The following UBL3 variants were observed in gnomAD, a reference collection of about 807,000 sequenced individuals.
UBL3 encodes the protein ubiquitin like 3.
Under a neutral mutation model 18.4 loss-of-function variants are expected in UBL3, and 6 were observed. The observed-to-expected ratio is 0.33, with a 90% CI of 0.18 to 0.64. The LOEUF is 0.64. UBL3 is among the 30% of genes least tolerant of loss of function. UBL3 has a pLI of 0.76. For missense variants in UBL3, 109 were observed against 142.9 expected, an observed-to-expected ratio of 0.76 and a Z score of 1.21; for synonymous variants, 49 against 46.6, an observed-to-expected ratio of 1.05 and a Z score of -0.21.
rs574777256 is a variant in UBL3, at chr13:29,765,228, T to C, written c.*2027A>G. The C allele has an allele frequency of 2.6e-5, 4 of 152,140 alleles. No individual in the cohort carries two copies. Among genetic ancestry groups the C allele is most frequent in the Non-Finnish European group, 5.9e-5 (4 of 68,006 alleles). 9.4% of individuals were successfully genotyped at this position (152,140 alleles called of 1,614,324 possible). On this transcript the variant is annotated 3_prime_UTR_variant, in exon 5 of 5. Coordinates refer to ENST00000380680, the MANE Select transcript of UBL3 (RefSeq NM_007106.4). ...AAAGAGTAATCAGAATGAAAATAGG[T>C]ATTAAAAATAATTACCAGTAGTTTG...
chr13:29,768,510 TA>T (rs1034698804), intron 3 of UBL3, among the ~76,000 whole-genome samples: 6 of 152,074 alleles, frequency 3.9e-5, no homozygotes, highest in African/African-American at 1.4e-4. Flanking sequence ...CAAACTGAAG[TA>T]AGGCCTAAGA....
chr13:29,791,829 T>C (rs368091325), intron 1 of UBL3, among the ~76,000 whole-genome samples: 28 of 152,196 alleles, frequency 1.8e-4, no homozygotes, highest in African/African-American at 5.8e-4. Flanking sequence ...ATCCTACATA[T>C]ATCACATCTG....
At chr13:29,813,904 G>C (rs1237055033) in intron 1 of UBL3, among the ~76,000 whole-genome samples, 2 of 152,056 alleles carry the variant, frequency 1.3e-5, no homozygotes, top group African/African-American at 4.8e-5. Flanking sequence ...AAGACTCAGA[G>C]CCACTTTTGA....
At chr13:29,837,926 A>G (rs1363960840) in intron 1 of UBL3, among the ~76,000 whole-genome samples, 1 of 149,394 alleles carries the variant, frequency 6.7e-6, no homozygotes, top group African/African-American at 2.5e-5. Context: ...AATAATAATA[A>G]TAATAATAAT....
chr13:29,814,048 C>G (rs1878190935), intron 1 of UBL3, among the ~76,000 whole-genome samples: 1 of 152,080 alleles, frequency 6.6e-6, no homozygotes, highest in African/African-American at 2.4e-5. Context: ...TCAGCTTATT[C>G]AAGAGGGTTA....
intron 1 of UBL3, among the ~76,000 whole-genome samples, chr13:29,832,498 A>G (rs534815336): frequency 6.6e-6 from 1 of 152,126 alleles, no homozygotes; most frequent in Admixed American, 6.5e-5. Flanking sequence ...GCGCCCGGCT[A>G]ATTTTTTGTA....
At chr13:29,788,786 A>C (rs1472919864) in intron 1 of UBL3, among the ~76,000 whole-genome samples, 2 of 151,418 alleles carry the variant, frequency 1.3e-5, no homozygotes, top group African/African-American at 2.4e-5. Flanking sequence ...AAATGGGTTA[A>C]AAAATTCAAA....
intron 1 of UBL3, among the ~76,000 whole-genome samples, chr13:29,782,330 C>A (rs1463555898): frequency 6.6e-6 from 1 of 152,094 alleles, no homozygotes; most frequent in African/African-American, 2.4e-5. Context: ...TGGGTTCCTG[C>A]CACAAAATTC....
At position 29,848,458 on chromosome 13, in the gene UBL3, A is replaced by C. The variant is rs190739668; in HGVS notation, c.27+1054T>G. 3.0e-4 allele frequency among the ~76,000 whole-genome samples: 45 copies of C among 152,084 alleles called. 1 individual carries two copies. In the East Asian group the frequency reaches 7.5e-3, roughly 25 times the overall value. On this transcript the variant is annotated intron_variant, in intron 1 of 4. Transcript: ENST00000380680. ...GGCAACAAGAGCAAAACTCCGTCTCAAAAAATAAAAATTAAATTAAAATTA... is the reference window on the plus strand; with the variant it reads ...GGCAACAAGAGCAAAACTCCGTCTCCAAAAATAAAAATTAAATTAAAATTA...
chr13:29,791,954 A>G (rs569394607), intron 1 of UBL3, among the ~76,000 whole-genome samples: 1 of 152,260 alleles, frequency 6.6e-6, no homozygotes, highest in African/African-American at 2.4e-5. Flanking sequence ...TTTCTCTTAC[A>G]CCAGGCACAT....
In UBL3 at chr13:29,849,680, A is replaced by G; in HGVS notation, c.-142T>C. On this transcript the variant is annotated 5_prime_UTR_variant, in exon 1 of 5. Coordinates refer to ENST00000380680, the MANE Select transcript of UBL3 (RefSeq NM_007106.4). ...TCCCCCAAAAATAAAGTTATTTTGG[A>G]GCCAAAGTGCCGGTCAGGCCGAGGT... The G allele has an allele frequency of 1.8e-6, 2 of 1,117,114 alleles. No homozygotes were observed. The highest frequency in any genetic ancestry group is 1.3e-6 in the Non-Finnish European group (1 of 770,010). 69.2% of individuals were successfully genotyped at this position (1,117,114 alleles called of 1,614,324 possible).
chr13:29,782,211 C>T (rs1165682088), intron 1 of UBL3, among the ~76,000 whole-genome samples: 1 of 151,914 alleles, frequency 6.6e-6, no homozygotes, highest in African/African-American at 2.4e-5. Flanking sequence ...TTTGAACATT[C>T]CCAATCTCTT....
intron 2 of UBL3, among the ~76,000 whole-genome samples, chr13:29,774,066 G>A (rs1352374729): frequency 1.3e-5 from 2 of 151,778 alleles, no homozygotes; most frequent in Non-Finnish European, 2.9e-5. Flanking sequence ...TTTATTCCTT[G>A]CAGTGTCTAA....
chr13:29,787,689 A>G (rs1593655652), intron 1 of UBL3, among the ~76,000 whole-genome samples: 1 of 152,190 alleles, frequency 6.6e-6, no homozygotes, highest in Non-Finnish European at 1.5e-5. Context: ...CTTAAATAAC[A>G]AATTTGAATG....
intron 1 of UBL3, among the ~76,000 whole-genome samples, chr13:29,809,402 T>G (rs1877980822): frequency 6.6e-6 from 1 of 151,808 alleles, no homozygotes; most frequent in South Asian, 2.1e-4. Flanking sequence ...AATAAATAAA[T>G]CAGCACAGAA....
At chr13:29,801,188 GC>G (rs1466148845) in intron 1 of UBL3, among the ~76,000 whole-genome samples, 1 of 152,144 alleles carries the variant, frequency 6.6e-6, no homozygotes, top group Non-Finnish European at 1.5e-5. Context: ...GCATGCCACA[GC>G]CACCCTATGG....
chr13:29,816,447 T>C (rs916243225), intron 1 of UBL3, among the ~76,000 whole-genome samples: 2 of 152,072 alleles, frequency 1.3e-5, no homozygotes, highest in Admixed American at 6.6e-5. Context: ...CCTAAAATAA[T>C]AGCAAATGTG....
Position 29,777,168 on chromosome 13 carries a change from G to A in UBL3, c.123C>T (p.Asp41=), listed in dbSNP as rs1323493190. 6.2e-7 allele frequency: 1 copy of A among 1,602,162 alleles called. No individual in the cohort carries two copies. The highest frequency in any genetic ancestry group is 2.2e-5 in the East Asian group (1 of 44,656). Residue 41 remains aspartate, a synonymous_variant, in exon 2 of 5, where the codon GAC becomes GAT. Transcript: ENST00000380680. ...AATATCACTCACCCATTGGCCAATT[G>A]TCATATACATGCTTTGCAATGTCAG... ...SASDIAKHVY[D]NWPMDWEEEQ...
At chr13:29,832,425 C>T (rs1297281979) in intron 1 of UBL3, among the ~76,000 whole-genome samples, 1 of 151,882 alleles carries the variant, frequency 6.6e-6, no homozygotes, top group Non-Finnish European at 1.5e-5. Flanking sequence ...CTCCGCCTCC[C>T]GGGTTCACGC....
Sources: allele counts gnomAD v4.1 joint callset (sites outside exome capture counted in the v4.1 genomes callset), GRCh38; gene constraint gnomAD v4.1.1; transcripts MANE v1.5; gene names NCBI Gene and HGNC (gene_info 2026-07-23, HGNC 2026-07-21).